Variants in SMARCC1 observed in about 807,000 individuals in gnomAD.
The protein encoded by SMARCC1 is SWI/SNF complex subunit SMARCC1.
In SMARCC1, 43 loss-of-function variants were observed where a neutral mutation model predicts 147.4. That is an observed-to-expected ratio of 0.29 (90% CI 0.23 to 0.38). The LOEUF (loss-of-function observed/expected upper bound fraction) is 0.38, where lower values mean the gene tolerates loss of function less well. SMARCC1 is among the 10% of genes least tolerant of loss of function. SMARCC1 has a pLI of 1.00. For missense variants in SMARCC1, 1,119 were observed against 1,381.1 expected (o/e 0.81, Z 3.01); for synonymous variants, 495 against 484.4 (o/e 1.02, Z -0.29).
In SMARCC1 at chr3:47,657,004, GAC is replaced by G. The variant is rs1020881741; in HGVS notation, c.2320+4288_2320+4289del. On this transcript the variant is annotated intron_variant, in intron 21 of 27. Coordinates refer to ENST00000254480, the MANE Select transcript of SMARCC1 (RefSeq NM_003074.4). Reference sequence around the variant, plus strand: ...TAATATCAGGTAAGATAGACTTTAAGACACAAAACGTTATATAAGACAAAAAG... The same window carrying G: ...TAATATCAGGTAAGATAGACTTTAAGACAAAACGTTATATAAGACAAAAAG... Among the ~76,000 whole-genome samples, 58 of 152,204 alleles carry G rather than the reference GAC, an allele frequency of 3.8e-4. 1 individual carries two copies. The highest frequency in any genetic ancestry group is 1.4e-3 in the African/African-American group (58 of 41,520).
intron 13 of SMARCC1, among the ~76,000 whole-genome samples, chr3:47,687,679 G>A (rs145467698): frequency 6.3e-4 from 96 of 152,200 alleles, no homozygotes; most frequent in Admixed American, 1.1e-3. Flanking sequence ...TGTTGTGCTG[G>A]CTGGTTTTGA....
intron 14 of SMARCC1, among the ~76,000 whole-genome samples, chr3:47,684,618 T>C (rs2033698804): frequency 6.6e-6 from 1 of 152,062 alleles, no homozygotes; most frequent in Non-Finnish European, 1.5e-5. Flanking sequence ...TTTTTTTGTA[T>C]TTTTAATAGA....
chr3:47,727,064 T>A (rs1036430883), intron 6 of SMARCC1, among the ~76,000 whole-genome samples: 1 of 151,148 alleles, frequency 6.6e-6, no homozygotes, highest in African/African-American at 2.4e-5. Flanking sequence ...ACAAAAAAAA[T>A]TAGCTGGGTG....
At position 47,608,136 on chromosome 3, in the gene SMARCC1, G is replaced by C. The variant is rs370275767; in HGVS notation, c.3043+1930C>G. On this transcript the variant is annotated intron_variant, in intron 26 of 27. Coordinates refer to ENST00000254480, the MANE Select transcript of SMARCC1 (RefSeq NM_003074.4). ...ACAGTCTCGCTCTGTCACCCAGGCTGGAGTGCAATGGCACAATCTTGGCTC... is the reference window on the plus strand; with the variant it reads ...ACAGTCTCGCTCTGTCACCCAGGCTCGAGTGCAATGGCACAATCTTGGCTC... Among the ~76,000 whole-genome samples, 7 of 152,282 alleles carry C rather than the reference G, an allele frequency of 4.6e-5. No homozygotes were observed. The East Asian group carries it at 1.2e-3, about 25-fold the overall frequency.
intron 10 of SMARCC1, among the ~76,000 whole-genome samples, chr3:47,705,926 A>C (rs2033987435): frequency 2.0e-5 from 3 of 152,142 alleles, no homozygotes; most frequent in Admixed American, 2.0e-4. Context: ...AGAAATCGTA[A>C]TCCTCATTCA....
chr3:47,617,860 C>T (rs575351281), intron 25 of SMARCC1, among the ~76,000 whole-genome samples: 22 of 152,236 alleles, frequency 1.4e-4, no homozygotes, highest in African/African-American at 4.1e-4. Flanking sequence ...GGTCTGTGAC[C>T]AACAGGATGT....
chr3:47,740,943 A>G (rs575406055), intron 3 of SMARCC1, among the ~76,000 whole-genome samples: 24 of 152,256 alleles, frequency 1.6e-4, no homozygotes, highest in Admixed American at 3.9e-4. Context: ...GACTCTAGGC[A>G]GTGAACATCA....
At chr3:47,670,630 C>T (rs1229941157) in intron 19 of SMARCC1, 28 bp downstream of exon 19, 5 of 1,337,108 alleles carry the variant, frequency 3.7e-6, no homozygotes, top group Middle Eastern at 3.6e-4. Flanking sequence ...AATCTTAGCA[C>T]ACATCCCATA....
intron 2 of SMARCC1, among the ~76,000 whole-genome samples, chr3:47,772,549 G>T (rs928391712): frequency 2.0e-5 from 3 of 152,132 alleles, no homozygotes; most frequent in Non-Finnish European, 4.4e-5. Context: ...GACTCGGTAC[G>T]GCGAGAGGAT....
At chr3:47,623,706 G>A (rs2032767703) in intron 24 of SMARCC1, among the ~76,000 whole-genome samples, 1 of 152,018 alleles carries the variant, frequency 6.6e-6, no homozygotes, top group South Asian at 2.1e-4. Context: ...TTATGCGCAC[G>A]ATATAAACTG....
At chr3:47,777,415 G>A (rs547583492) in intron 1 of SMARCC1, among the ~76,000 whole-genome samples, 3 of 151,966 alleles carry the variant, frequency 2.0e-5, no homozygotes, top group Non-Finnish European at 2.9e-5. Context: ...AATATAGGCC[G>A]GGTGCAGTGG....
At chr3:47,595,333 T>C (rs2032256171) in intron 26 of SMARCC1, among the ~76,000 whole-genome samples, 1 of 152,148 alleles carries the variant, frequency 6.6e-6, no homozygotes, top group African/African-American at 2.4e-5. Flanking sequence ...GAGACCAGCC[T>C]GGCTAACATG....
intron 6 of SMARCC1, among the ~76,000 whole-genome samples, chr3:47,725,055 A>AAAAAT (rs1172766140): frequency 6.6e-6 from 1 of 151,426 alleles, no homozygotes; most frequent in Non-Finnish European, 1.5e-5. Context: ...AAAAAAAAAA[A>AAAAAT]AATCTATTGC....
At chr3:47,613,557 A>C (rs1173477753) in intron 25 of SMARCC1, among the ~76,000 whole-genome samples, 1 of 151,830 alleles carries the variant, frequency 6.6e-6, no homozygotes, top group Non-Finnish European at 1.5e-5. Context: ...ATGGGGTTTC[A>C]CCATGTTGGC....
chr3:47,638,335 C>T (rs765606593), intron 22 of SMARCC1, among the ~76,000 whole-genome samples: 3 of 152,236 alleles, frequency 2.0e-5, no homozygotes, highest in East Asian at 1.9e-4. Flanking sequence ...CCTTGTAATC[C>T]GCCCACCACA....
At chr3:47,650,276 AAAT>A (rs34728200) in intron 21 of SMARCC1, among the ~76,000 whole-genome samples, 23 of 138,488 alleles carry the variant, frequency 1.7e-4, no homozygotes, top group East Asian at 4.2e-4. Flanking sequence ...ACTCTGTTTA[AAAT>A]AATAATAATA....
chr3:47,779,405 A>C (rs2035015954), intron 1 of SMARCC1, among the ~76,000 whole-genome samples: 1 of 152,164 alleles, frequency 6.6e-6, no homozygotes, highest in Non-Finnish European at 1.5e-5. Context: ...GAAGCAAAGA[A>C]CTTTGTGATA....
chr3:47,602,190 G>T (rs768967111), intron 26 of SMARCC1, among the ~76,000 whole-genome samples: 21 of 152,244 alleles, frequency 1.4e-4, no homozygotes, highest in Admixed American at 6.5e-4. Flanking sequence ...TACTCAGGTG[G>T]CTGAGGTGAG....
intron 2 of SMARCC1, among the ~76,000 whole-genome samples, chr3:47,754,740 G>A (rs143502220): frequency 1.7e-4 from 26 of 152,238 alleles, no homozygotes; most frequent in African/African-American, 5.8e-4. Context: ...GTAATCATGC[G>A]AGGTAAAAAA....
Sources: gnomAD v4.1 joint callset for allele counts (sites outside exome capture counted in the v4.1 genomes callset) on GRCh38, gnomAD v4.1.1 for gene constraint, MANE v1.5 for transcripts, NCBI Gene and HGNC (gene_info 2026-07-23, HGNC 2026-07-21) for gene names.